RUSC1: variants seen among roughly 807,000 people sequenced by gnomAD.
The protein encoded by RUSC1 is RUN and SH3 domain containing 1, also known as AP-4 complex accessory subunit RUSC1.
Under a neutral mutation model 72.1 loss-of-function variants are expected in RUSC1, and 40 were observed. That is an observed-to-expected ratio of 0.55 (90% CI 0.43 to 0.72). RUSC1 has a LOEUF of 0.72. Ranked by LOEUF, RUSC1 falls within the 30% of genes least tolerant of loss-of-function variation. RUSC1 has a pLI of 0.00. For missense variants in RUSC1, 1,092 were observed against 1,172.3 expected, an observed-to-expected ratio of 0.93 and a Z score of 1.00; for synonymous variants, 512 against 494.2, an observed-to-expected ratio of 1.04 and a Z score of -0.48.
Position 155,325,708 on chromosome 1 carries a change from C to T in RUSC1, c.1814+36C>T, listed in dbSNP as rs773867230. 4 of 1,606,114 alleles carry T rather than the reference C, an allele frequency of 2.5e-6. No individual in the cohort carries two copies. The highest frequency in any genetic ancestry group is 2.2e-5 in the South Asian group (2 of 90,758). The stretch of plus-strand genomic sequence containing the variant: ...TTCTTTCCAGTGCCCTTCCCACGAC[C>T]TGGGACTGCAGGAGCGTCATGGGTG... On this transcript the variant is annotated intron_variant, in intron 6 of 9. Transcript: ENST00000368352. The surrounding 1 kb of genome is among the most constrained non-coding windows in gnomAD (Gnocchi z 6.5).
Position 155,325,690 on chromosome 1 carries a change from C to T in RUSC1, c.1814+18C>T. 1 of 1,612,616 alleles carries T rather than the reference C, an allele frequency of 6.2e-7. No homozygotes were observed. Among genetic ancestry groups the T allele is most frequent in the Non-Finnish European group, 8.5e-7 (1 of 1,179,116 alleles). ...CTCCTCAAGTGAGTTGCCTTCTTTC[C>T]AGTGCCCTTCCCACGACCTGGGACT... On this transcript the variant is annotated intron_variant, in intron 6 of 9. Transcript: ENST00000368352. This position sits in a 1 kb window ranked among gnomAD's most constrained non-coding sequence, Gnocchi z 6.5.
At chr1:155,321,274 G>A (rs368539967) in intron 1 of RUSC1, 8 of 1,368,242 alleles carry the variant, frequency 5.8e-6, no homozygotes, top group East Asian at 4.5e-5. Context: ...CAAACTCTGC[G>A]TATTGCCCCA....
chr1:155,330,738 C>T lies in RUSC1; in HGVS notation c.*167C>T. ...TTTCCTTCTTCCCTCCTATACCCAC[C>T]TGTAAGGTGAAATCTGCTCTTCTTC... is the stretch of plus-strand genomic sequence containing the variant. On this transcript the variant is annotated 3_prime_UTR_variant, in exon 10 of 10. Coordinates refer to ENST00000368352, the MANE Select transcript of RUSC1 (RefSeq NM_001105203.2). 2 of 578,338 alleles carry T rather than the reference C, an allele frequency of 3.5e-6. No individual in the cohort carries two copies. The highest frequency in any genetic ancestry group is 6.6e-5 in the East Asian group (2 of 30,296). The allele number at this position is 578,338 out of a possible 1,614,324, so 35.8% of individuals were successfully genotyped here.
Position 155,330,554 on chromosome 1 carries a change from A to G in RUSC1, c.2692A>G (p.Thr898Ala), listed in dbSNP as rs1651915262. 1 of 1,604,562 alleles carries G rather than the reference A, an allele frequency of 6.2e-7. No homozygotes were observed. Among genetic ancestry groups the G allele is most frequent in the African/African-American group, 1.3e-5 (1 of 74,596 alleles). ...GMEGLVPVGY[T>A]SLVL is the part of the protein sequence containing the mutation. The stretch of plus-strand genomic sequence containing the variant: ...GGAGGGTCTGGTGCCTGTGGGGTAT[A>G]CCTCCCTTGTTCTGTAGCCCTGGGA... The change falls in exon 10 of 10, where the codon ACC becomes GCC. Residue 898 changes from threonine (T) to alanine (A), a missense_variant. Thr to Ala is a moderately conservative substitution (Grantham distance 58). Coordinates refer to ENST00000368352, the MANE Select transcript of RUSC1 (RefSeq NM_001105203.2).
chr1:155,322,744 A>T lies in RUSC1; in HGVS notation c.971A>T (p.Lys324Met). ...TSFHELAQKR[K>M]RGPGLPLVPQ... ...TTCCACGAGCTGGCCCAGAAGCGCA[A>T]GCGGGGCCCAGGGCTGCCCCTTGTC... The change falls in exon 2 of 10, where the codon AAG (lysine) becomes ATG (methionine). Residue 324 changes from lysine to methionine, a missense_variant. Transcript: ENST00000368352. The T allele has an allele frequency of 6.2e-7, 1 of 1,614,096 alleles. No homozygotes were observed. Among genetic ancestry groups the T allele is most frequent in the Non-Finnish European group, 8.5e-7 (1 of 1,179,988 alleles).
At chr1:155,321,602 G>C (rs891160661) in intron 1 of RUSC1, 86 bp from the exon 2 acceptor site, 11 of 1,237,730 alleles carry the variant, frequency 8.9e-6, no homozygotes, top group Non-Finnish European at 1.3e-5. Context: ...GAGCCTTCAG[G>C]CCTGCTGCTG....
chr1:155,330,637 A>G lies in RUSC1; in HGVS notation c.*66A>G. 7.0e-7 allele frequency: 1 copy of G among 1,419,310 alleles called. No individual in the cohort carries two copies. The highest frequency in any genetic ancestry group is 9.5e-7 in the Non-Finnish European group (1 of 1,057,988). The allele number at this position is 1,419,310 out of a possible 1,614,324, so 87.9% of individuals were successfully genotyped here. ...CCTGGGAATGGAATGGCCAGTGAAC[A>G]CCATCCCAGAAGCATTTTCCCTCTG... On this transcript the variant is annotated 3_prime_UTR_variant, in exon 10 of 10. Transcript: ENST00000368352.
At chr1:155,324,776 G>C in intron 2 of RUSC1, 69 bp from the exon 3 acceptor site, 1 of 1,610,686 alleles carries the variant, frequency 6.2e-7, no homozygotes, top group Non-Finnish European at 8.5e-7. Flanking sequence ...GAGACAACTT[G>C]TGCGGGAGCC....
At chr1:155,329,984 G>A (rs529422062) in intron 9 of RUSC1, among the ~76,000 whole-genome samples, 1 of 150,930 alleles carries the variant, frequency 6.6e-6, no homozygotes, top group African/African-American at 2.4e-5. Context: ...AAAGTAGATG[G>A]AGTAGTAGGA....
At position 155,324,972 on chromosome 1, in the gene RUSC1, C is replaced by T. The variant is rs1191602028; in HGVS notation, c.1456+29C>T. 1.9e-6 allele frequency: 3 copies of T among 1,613,962 alleles called. No individual in the cohort carries two copies. In the African/African-American group the frequency reaches 4.0e-5, roughly 22 times the overall value. On this transcript the variant is annotated intron_variant, in intron 3 of 9. Coordinates refer to ENST00000368352, the MANE Select transcript of RUSC1 (RefSeq NM_001105203.2). Reference sequence around the variant, plus strand: ...GGGCACCCTGACTCCCGACCCCGCGCTTCCGAATAAACTGCCCTTCGCCCC... The same window carrying T: ...GGGCACCCTGACTCCCGACCCCGCGTTTCCGAATAAACTGCCCTTCGCCCC...
At chr1:155,324,087 A>C (rs1332432461) in intron 2 of RUSC1, 3 of 1,154,060 alleles carry the variant, frequency 2.6e-6, no homozygotes, top group Non-Finnish European at 2.1e-6. Context: ...CCCAGCCTCC[A>C]TGCCAAGTCT....
In RUSC1 at chr1:155,330,582, C is replaced by A; in HGVS notation, c.*11C>A. 6.4e-7 allele frequency: 1 copy of A among 1,560,446 alleles called. No homozygotes were observed. The highest frequency in any genetic ancestry group is 8.7e-7 in the Non-Finnish European group (1 of 1,150,442). On this transcript the variant is annotated 3_prime_UTR_variant, in exon 10 of 10. Transcript: ENST00000368352. ...TCCCTTGTTCTGTAGCCCTGGGACC[C>A]TTTCCTGCGTATGTGTCTCCTTCCT...
chr1:155,323,400 A>G (rs1040772128), intron 2 of RUSC1: 1 of 369,602 alleles, frequency 2.7e-6, no homozygotes, highest in Non-Finnish European at 4.8e-6. Context: ...TCCCGCCTGC[A>G]GCCGGTCCCC....
intron 1 of RUSC1, 147 bp downstream of exon 1, chr1:155,321,138 T>C: frequency 7.3e-7 from 1 of 1,378,742 alleles, no homozygotes; most frequent in Non-Finnish European, 9.7e-7. Context: ...GACATACCGC[T>C]GTTCCGAGGG....
In RUSC1 at chr1:155,322,998, C is replaced by G. The variant is rs1650769472; in HGVS notation, c.1225C>G (p.Arg409Gly). 3.3e-6 allele frequency: 5 copies of G among 1,512,508 alleles called. No individual in the cohort carries two copies. The highest frequency in any genetic ancestry group is 4.9e-5 in the East Asian group (2 of 40,592). 93.7% of individuals were successfully genotyped at this position (1,512,508 alleles called of 1,614,324 possible). Residue 409 changes from arginine (R) to glycine (G), a missense_variant, in exon 2 of 10, where the codon CGA becomes GGA. By Grantham distance (125) the Arg-to-Gly change is moderately radical. Coordinates refer to ENST00000368352, the MANE Select transcript of RUSC1 (RefSeq NM_001105203.2). Reference protein sequence around the residue: ...PRPPPPPVPPRRKKNRPGLQP... With the variant: ...PRPPPPPVPPGRKKNRPGLQP... Reference sequence around the variant, plus strand: ...GCCCCCACCCCCGCCTGTCCCTCCCCGAAGGAAGAAGAACCGACCTGGACT... The same window carrying G: ...GCCCCCACCCCCGCCTGTCCCTCCCGGAAGGAAGAAGAACCGACCTGGACT...
chr1:155,321,667 T>C (rs1452132099), intron 1 of RUSC1, 21 bp from the exon 2 acceptor site: 2 of 1,473,476 alleles, frequency 1.4e-6, no homozygotes, highest in Admixed American at 1.9e-5. Flanking sequence ...CTGGCCGGGC[T>C]TCACCACCTC....
intron 2 of RUSC1, chr1:155,324,560 C>A: frequency 6.3e-7 from 1 of 1,582,008 alleles, no homozygotes; most frequent in East Asian, 2.3e-5. Context: ...CGCGGCCATC[C>A]CGCTCCCGGA....
intron 2 of RUSC1, chr1:155,324,090 C>T: frequency 2.6e-6 from 3 of 1,160,640 alleles, no homozygotes; most frequent in Non-Finnish European, 3.2e-6. Context: ...AGCCTCCATG[C>T]CAAGTCTAGG....
intron 2 of RUSC1, chr1:155,323,880 G>A: frequency 2.0e-6 from 2 of 985,038 alleles, no homozygotes; most frequent in Non-Finnish European, 2.4e-6. Flanking sequence ...CTCTCGCCCG[G>A]CCCCGTTTTC....
Sources: gnomAD v4.1 joint callset for allele counts (sites outside exome capture counted in the v4.1 genomes callset) on GRCh38, gnomAD v4.1.1 for gene constraint, Gnocchi (gnomAD v3.1) non-coding constraint, MANE v1.5 for transcripts, NCBI Gene and HGNC (gene_info 2026-07-23, HGNC 2026-07-21) for gene names.